The following DPP6 variants were observed in gnomAD, a reference collection of about 807,000 sequenced individuals.
The protein encoded by DPP6 is A-type potassium channel modulatory protein DPP6.
In DPP6, 69 loss-of-function variants were observed where a neutral mutation model predicts 122.6. The ratio of observed to expected loss-of-function variants is 0.56; its 90% confidence interval spans 0.46 to 0.69. The LOEUF (loss-of-function observed/expected upper bound fraction) is 0.69. Among genes scored for constraint, DPP6 ranks in the 30% least tolerant of loss-of-function variants. The pLI is 0.00. For missense variants in DPP6, 928 were observed against 1,116.9 expected (o/e 0.83, Z 2.41); for synonymous variants, 418 against 433.1 (o/e 0.97, Z 0.43).
rs549235502 is a variant in DPP6 at position 154,070,818 on chromosome 7, A to G, written c.243+17755A>G. ...ACCATTCCCAATAAGTGAATTACCC[A>G]TGGGCCAAACTCTGGAAATTGCCAG... On this transcript the variant is annotated intron_variant, in intron 1 of 25. Coordinates refer to ENST00000377770, the MANE Select transcript of DPP6 (RefSeq NM_130797.4). Among the ~76,000 whole-genome samples the G allele has an allele frequency of 2.0e-5, 3 of 152,332 alleles. No homozygotes were observed. The South Asian group carries it at 6.2e-4, about 32-fold the overall frequency.
At chr7:154,334,273 A>T (rs1809208963) in intron 1 of DPP6, among the ~76,000 whole-genome samples, 1 of 152,112 alleles carries the variant, frequency 6.6e-6, no homozygotes, top group Admixed American at 6.6e-5. Flanking sequence ...CTCTGCCAGG[A>T]ATGTGCCCTT....
intron 3 of DPP6, among the ~76,000 whole-genome samples, chr7:154,519,649 T>C (rs1385122744): frequency 1.3e-5 from 2 of 152,234 alleles, no homozygotes; most frequent in African/African-American, 4.8e-5. Context: ...TTCCATGTAA[T>C]GATTTTTCTT....
At chr7:154,368,112 C>G (rs1812339334) in intron 1 of DPP6, among the ~76,000 whole-genome samples, 1 of 152,178 alleles carries the variant, frequency 6.6e-6, no homozygotes, top group Admixed American at 6.6e-5. Context: ...GTGAAATTTA[C>G]TTTATACTGT....
chr7:153,845,134 T>C, the DPP6 span, among the ~76,000 whole-genome samples: 1 of 152,236 alleles, frequency 6.6e-6, no homozygotes, highest in African/African-American at 2.4e-5. Context: ...TGAATGATTT[T>C]ATTTTACAAC....
At chr7:154,240,064 G>A (rs970252659) in intron 1 of DPP6, among the ~76,000 whole-genome samples, 6 of 141,280 alleles carry the variant, frequency 4.2e-5, no homozygotes, top group South Asian at 4.7e-4. Flanking sequence ...TCAGCTGCTC[G>A]GAGGTTCAAG....
intron 1 of DPP6, among the ~76,000 whole-genome samples, chr7:154,368,329 C>A (rs116310018): frequency 0.016 from 2,396 of 152,282 alleles, 73 homozygotes; most frequent in African/African-American, 0.055. Flanking sequence ...CTCCCCGGGG[C>A]AGCAGCATCA....
chr7:154,689,418 C>A (rs1238331987), intron 7 of DPP6, among the ~76,000 whole-genome samples: 3 of 152,108 alleles, frequency 2.0e-5, no homozygotes, highest in African/African-American at 7.2e-5. Context: ...TTTTCTGAAT[C>A]TATTGAAATG....
the DPP6 span, among the ~76,000 whole-genome samples, chr7:153,765,883 G>T: frequency 6.6e-6 from 1 of 152,170 alleles, no homozygotes; most frequent in Admixed American, 6.5e-5. Flanking sequence ...TCCCCCTGTT[G>T]CAATGCTTCT....
chr7:154,190,044 C>T (rs1167029340), intron 1 of DPP6, among the ~76,000 whole-genome samples: 3 of 152,070 alleles, frequency 2.0e-5, no homozygotes, highest in African/African-American at 4.8e-5. Flanking sequence ...ACATTAAAAG[C>T]TGGAAGTTAA....
At chr7:154,173,235 G>A (rs967657441) in intron 1 of DPP6, among the ~76,000 whole-genome samples, 5 of 152,184 alleles carry the variant, frequency 3.3e-5, no homozygotes, top group South Asian at 2.1e-4. Context: ...CTGTGCCAGC[G>A]TGGGACGAAT....
chr7:154,800,251 A>C (rs1798281289), intron 12 of DPP6, among the ~76,000 whole-genome samples: 1 of 152,218 alleles, frequency 6.6e-6, no homozygotes, highest in African/African-American at 2.4e-5. Flanking sequence ...TGAAGATTAA[A>C]TGTCATTTTA....
intron 1 of DPP6, 60 bp from the exon 2 acceptor site, chr7:154,446,154 T>A: frequency 9.5e-7 from 1 of 1,048,908 alleles, no homozygotes; most frequent in Non-Finnish European, 1.4e-6. Context: ...TATGTCTATT[T>A]GGCTTATTTT....
At chr7:154,579,445 G>A (rs973683932) in intron 5 of DPP6, among the ~76,000 whole-genome samples, 1 of 152,196 alleles carries the variant, frequency 6.6e-6, no homozygotes, top group Non-Finnish European at 1.5e-5. Flanking sequence ...AGATTCGGTA[G>A]GTATCTAGCT....
At chr7:154,406,341 T>C (rs1361796505) in intron 1 of DPP6, among the ~76,000 whole-genome samples, 3 of 152,300 alleles carry the variant, frequency 2.0e-5, no homozygotes, top group Admixed American at 6.5e-5. Flanking sequence ...TCTTAAATTA[T>C]TTCATAATAA....
chr7:154,087,546 T>A (rs1485561371), intron 1 of DPP6, among the ~76,000 whole-genome samples: 3 of 152,178 alleles, frequency 2.0e-5, no homozygotes, highest in Non-Finnish European at 2.9e-5. Context: ...CACTTCTCAC[T>A]AAAAGCCACA....
chr7:154,512,644 T>G (rs1826180718), intron 3 of DPP6, among the ~76,000 whole-genome samples: 1 of 152,116 alleles, frequency 6.6e-6, no homozygotes, highest in African/African-American at 2.4e-5. Context: ...ATAGGTCCCA[T>G]AAATAAAATC....
chr7:154,541,613 T>G (rs912210867), intron 4 of DPP6, among the ~76,000 whole-genome samples: 3 of 152,198 alleles, frequency 2.0e-5, no homozygotes, highest in Middle Eastern at 3.2e-3. Context: ...CAGTTGATTC[T>G]TTTCTTGTTT....
At chr7:153,808,217 G>A in the DPP6 span, among the ~76,000 whole-genome samples, 1 of 148,414 alleles carries the variant, frequency 6.7e-6, no homozygotes, top group Non-Finnish European at 1.5e-5. Flanking sequence ...GTGTGTGCCT[G>A]AGTGTGCGTG....
chr7:153,962,270 A>G (rs567047922), intron 1 of DPP6, among the ~76,000 whole-genome samples: 5 of 152,210 alleles, frequency 3.3e-5, no homozygotes, highest in South Asian at 2.1e-4. Context: ...TTGTACTCCA[A>G]TGGCCTATTT....
Sources: gnomAD v4.1 joint callset for allele counts (sites outside exome capture counted in the v4.1 genomes callset) on GRCh38, gnomAD v4.1.1 for gene constraint, MANE v1.5 for transcripts, NCBI Gene and HGNC (gene_info 2026-07-23, HGNC 2026-07-21) for gene names.